The following BRINP2 variants were observed in gnomAD, a reference collection of about 807,000 sequenced individuals.
BRINP2 encodes the protein BMP/retinoic acid inducible neural specific 2, also known as BMP/retinoic acid-inducible neural-specific protein 2.
In BRINP2, 21 loss-of-function variants were observed where a neutral mutation model predicts 69.2. The ratio of observed to expected loss-of-function variants is 0.30; its 90% confidence interval spans 0.22 to 0.44. The LOEUF (loss-of-function observed/expected upper bound fraction) is 0.44. Among genes scored for constraint, BRINP2 ranks in the 20% least tolerant of loss-of-function variants. BRINP2 has a pLI of 1.00. For missense variants in BRINP2, 877 were observed against 986.0 expected (o/e 0.89, Z 1.48); for synonymous variants, 380 against 394.1 (o/e 0.96, Z 0.42).
chr1:177,221,944 G>A (rs1386858505), intron 1 of BRINP2, among the ~76,000 whole-genome samples: 5 of 152,184 alleles, frequency 3.3e-5, no homozygotes, highest in Admixed American at 6.5e-5. Flanking sequence ...ACAATGGCAG[G>A]GCTCATAGCC....
chr1:177,203,277 A>G (rs949842966), intron 1 of BRINP2, among the ~76,000 whole-genome samples: 3 of 152,098 alleles, frequency 2.0e-5, no homozygotes, highest in African/African-American at 4.8e-5. Flanking sequence ...GAATTGAACA[A>G]TGAGAACACA....
intron 1 of BRINP2, among the ~76,000 whole-genome samples, chr1:177,203,739 C>T (rs61813344): frequency 5.9e-5 from 9 of 152,030 alleles, no homozygotes; most frequent in Non-Finnish European, 1.0e-4. Flanking sequence ...AGGGATAAAA[C>T]GGACCAAAAG....
chr1:177,200,643 A>G (rs1648883977), intron 1 of BRINP2, among the ~76,000 whole-genome samples: 1 of 152,062 alleles, frequency 6.6e-6, no homozygotes, highest in Admixed American at 6.6e-5. Flanking sequence ...TCTTTGCTCT[A>G]ATACACCTAT....
At chr1:177,230,249 C>T in intron 2 of BRINP2, 104 bp downstream of exon 2, 2 of 1,272,908 alleles carry the variant, frequency 1.6e-6, no homozygotes, top group South Asian at 3.2e-5. Context: ...GGAATGCCCT[C>T]AAACTGAGCT....
At chr1:177,189,370 C>T (rs1458145311) in intron 1 of BRINP2, among the ~76,000 whole-genome samples, 1 of 144,772 alleles carries the variant, frequency 6.9e-6, no homozygotes, top group African/African-American at 2.6e-5. Context: ...GACCAAACCT[C>T]CCAGAATAGG....
intron 7 of BRINP2, 46 bp downstream of exon 7, chr1:177,278,831 G>A: frequency 1.3e-6 from 2 of 1,585,890 alleles, no homozygotes; most frequent in Non-Finnish European, 8.6e-7. Context: ...CACCTCCCCT[G>A]ACAGCTGCTG....
At chr1:177,173,789 C>T (rs1427507072) in intron 1 of BRINP2, among the ~76,000 whole-genome samples, 1 of 152,200 alleles carries the variant, frequency 6.6e-6, no homozygotes, top group Non-Finnish European at 1.5e-5. Flanking sequence ...AAATGATACA[C>T]TCCCTTGAGG....
In BRINP2 at chr1:177,257,304, C is replaced by T. The variant is rs1439879995; in HGVS notation, c.589C>T (p.Leu197=). The T allele has an allele frequency of 6.2e-7, 1 of 1,614,106 alleles. No homozygotes were observed. The highest frequency in any genetic ancestry group is 8.5e-7 in the Non-Finnish European group (1 of 1,180,024). Residue 197 remains leucine (L), a synonymous_variant, in exon 4 of 8, where the codon CTG becomes TTG. Transcript: ENST00000361539. The stretch of plus-strand genomic sequence containing the variant: ...TGTGTCCCTGGAGACCCTGCACCAG[C>T]TGGCCGCCTCCTACTTCATCGACAG... ...TAVSLETLHQ[L]AASYFIDRES... is the part of the protein sequence containing the mutation.
At chr1:177,195,452 A>G (rs1338521619) in intron 1 of BRINP2, among the ~76,000 whole-genome samples, 1 of 151,162 alleles carries the variant, frequency 6.6e-6, no homozygotes, top group Non-Finnish European at 1.5e-5. Flanking sequence ...AGGACAAAGC[A>G]CGAGTCCAGC....
intron 1 of BRINP2, among the ~76,000 whole-genome samples, chr1:177,200,716 C>T (rs1485747244): frequency 6.6e-6 from 1 of 152,136 alleles, no homozygotes; most frequent in East Asian, 1.9e-4. Flanking sequence ...TCTTCTTCTT[C>T]CTGGCATTTA....
chr1:177,273,340 T>C (rs1418712986), intron 4 of BRINP2, 148 bp from the exon 5 acceptor site: 3 of 482,174 alleles, frequency 6.2e-6, no homozygotes, highest in Admixed American at 7.6e-5. Context: ...AGTGACTTTA[T>C]ACCTCTGGAG....
At position 177,229,966 on chromosome 1, in the gene BRINP2, G is replaced by C; in HGVS notation, c.90G>C (p.Trp30Cys). 6.2e-7 allele frequency: 1 copy of C among 1,613,556 alleles called. No homozygotes were observed. The highest frequency in any genetic ancestry group is 8.5e-7 in the Non-Finnish European group (1 of 1,179,878). ...TALLALGLPG[W>C]VLAVSATAAA... ...TGCTGGCACTGGGCCTGCCTGGCTG[G>C]GTGTTGGCTGTCTCAGCCACGGCGG... is the stretch of plus-strand genomic sequence containing the variant. Residue 30 changes from tryptophan to cysteine, a missense_variant, in exon 2 of 8, where the codon TGG (tryptophan) becomes TGC (cysteine). This residue lies in a region of BRINP2 where 566 missense variants were observed against 625.2 expected (regional missense o/e 0.91). Transcript: ENST00000361539.
intron 4 of BRINP2, among the ~76,000 whole-genome samples, chr1:177,270,091 TG>T (rs1192754730): frequency 7.1e-6 from 1 of 140,264 alleles, no homozygotes; most frequent in African/African-American, 2.8e-5. Flanking sequence ...GTGGGGGGGG[TG>T]GTTCTCAAGC....
At chr1:177,248,085 T>G (rs1281353223) in intron 2 of BRINP2, among the ~76,000 whole-genome samples, 1 of 152,030 alleles carries the variant, frequency 6.6e-6, no homozygotes, top group East Asian at 1.9e-4. Context: ...AGATGAAAGA[T>G]CTATTAAAAA....
intron 6 of BRINP2, among the ~76,000 whole-genome samples, chr1:177,277,015 A>C (rs1345323394): frequency 1.3e-5 from 2 of 152,216 alleles, no homozygotes; most frequent in East Asian, 3.9e-4. Context: ...TGGAAGGCTC[A>C]CATGAGATCA....
rs145056761 is a variant in BRINP2, at chr1:177,214,198, G to A, written c.-76-15603G>A. Among the ~76,000 whole-genome samples, 1,181 of 152,230 alleles carry A rather than the reference G, an allele frequency of 7.8e-3. 10 individuals are homozygous for A. Among genetic ancestry groups the A allele is most frequent in the African/African-American group, 0.027 (1,107 of 41,536 alleles). On this transcript the variant is annotated intron_variant, in intron 1 of 7. Coordinates refer to ENST00000361539, the MANE Select transcript of BRINP2 (RefSeq NM_021165.4). Reference sequence around the variant, plus strand: ...TGTAATCCCAGCACTTTGGGAGGCCGAGGTGGGTGGATCATCTGAGGTTAG... The same window carrying A: ...TGTAATCCCAGCACTTTGGGAGGCCAAGGTGGGTGGATCATCTGAGGTTAG...
chr1:177,272,210 C>A (rs1651349521), intron 4 of BRINP2, among the ~76,000 whole-genome samples: 1 of 152,174 alleles, frequency 6.6e-6, no homozygotes, highest in Non-Finnish European at 1.5e-5. Flanking sequence ...CTCTTGTTTC[C>A]CTTTGTTTAG....
At chr1:177,256,745 C>T (rs1571935699) in intron 3 of BRINP2, 16 of 1,088,392 alleles carry the variant, frequency 1.5e-5, no homozygotes, top group Non-Finnish European at 1.8e-5. Flanking sequence ...GGGCTCGGGC[C>T]AGCTGTCGGC....
chr1:177,185,531 A>T (rs1409051111), intron 1 of BRINP2, among the ~76,000 whole-genome samples: 1 of 152,218 alleles, frequency 6.6e-6, no homozygotes, highest in Non-Finnish European at 1.5e-5. Context: ...ACCATGTGGG[A>T]TATCTTACAG....
Sources: gnomAD v4.1 joint callset for allele counts (sites outside exome capture counted in the v4.1 genomes callset) on GRCh38, gnomAD v4.1.1 for gene constraint, gnomAD v4.1.1 regional missense constraint, MANE v1.5 for transcripts, NCBI Gene and HGNC (gene_info 2026-07-23, HGNC 2026-07-21) for gene names.